The following COG7 variants were observed in gnomAD, a reference collection of about 807,000 sequenced individuals.
The protein encoded by COG7 is conserved oligomeric Golgi complex subunit 7.
COG7 carries 49 observed loss-of-function variants against 91.5 expected under a neutral mutation model. The ratio of observed to expected loss-of-function variants is 0.54; its 90% CI spans 0.43 to 0.68. The LOEUF (loss-of-function observed/expected upper bound fraction) is 0.68, where lower values mean the gene tolerates loss of function less well. Ranked by LOEUF, COG7 falls within the 30% of genes least tolerant of loss-of-function variation. COG7 has a pLI of 0.00. For synonymous variants in COG7, 365 were observed against 388.7 expected (o/e 0.94, Z 0.72); for missense variants, 895 against 961.3 (o/e 0.93, Z 0.91).
In COG7 at chr16:23,417,266, T is replaced by G; in HGVS notation, c.1138-145A>C. 15 of 821,652 alleles carry G rather than the reference T, an allele frequency of 1.8e-5. 1 individual carries two copies. In the South Asian group the frequency reaches 1.9e-4, roughly 11 times the overall value. The allele number at this position is 821,652 out of a possible 1,614,324, so 50.9% of individuals were successfully genotyped here. ...TAGTCCCAACGTTTGAATGCTTCTC[T>G]AGAGCCTGAATCAAGGGAGAACAGT... is the stretch of plus-strand genomic sequence containing the variant. On this transcript the variant is annotated intron_variant, in intron 8 of 16. Coordinates refer to ENST00000307149, the MANE Select transcript of COG7 (RefSeq NM_153603.4).
In COG7 at chr16:23,411,600, C is replaced by T. The variant is rs140592758; in HGVS notation, c.1410-1240G>A. On this transcript the variant is annotated intron_variant, in intron 10 of 16. Transcript: ENST00000307149. ...TGTCATCGTGGTTTGCTGCACCTATCAACCCATAGAACATTAAATTTCATC... is the reference window on the plus strand; with the variant it reads ...TGTCATCGTGGTTTGCTGCACCTATTAACCCATAGAACATTAAATTTCATC... 3.9e-5 allele frequency among the ~76,000 whole-genome samples: 6 copies of T among 152,280 alleles called. No homozygotes were observed. In the East Asian group the frequency reaches 1.2e-3, roughly 29 times the overall value.
At position 23,438,440 on chromosome 16, in the gene COG7, C is replaced by A. The variant is rs533035182; in HGVS notation, c.605-3722G>T. ...GGGCGTGGTAGTGCACACCTGTAGTCCCAGCTACTTGGGAGGCTGCCGTGG... is the reference window on the plus strand; with the variant it reads ...GGGCGTGGTAGTGCACACCTGTAGTACCAGCTACTTGGGAGGCTGCCGTGG... On this transcript the variant is annotated intron_variant, in intron 4 of 16. Transcript: ENST00000307149. Among the ~76,000 whole-genome samples, 9 of 152,230 alleles carry A rather than the reference C, an allele frequency of 5.9e-5. No homozygotes were observed. The South Asian group carries it at 1.7e-3, about 28-fold the overall frequency.
intron 1 of COG7, among the ~76,000 whole-genome samples, chr16:23,449,160 G>A (rs544692626): frequency 2.0e-5 from 3 of 151,438 alleles, no homozygotes; most frequent in East Asian, 4.0e-4. Flanking sequence ...TCAGGAGATC[G>A]AGACCATTCT....
intron 7 of COG7, among the ~76,000 whole-genome samples, chr16:23,419,450 TC>T (rs1485703090): frequency 1.4e-5 from 2 of 146,712 alleles, no homozygotes; most frequent in East Asian, 4.1e-4. Context: ...AAGGTCAGGT[TC>T]AAGAATTGCC....
intron 6 of COG7, among the ~76,000 whole-genome samples, chr16:23,428,690 T>C (rs2142084025): frequency 6.6e-6 from 1 of 151,348 alleles, no homozygotes; most frequent in East Asian, 1.9e-4. Flanking sequence ...GTTGTTTCTT[T>C]TCTTTTTTTT....
At chr16:23,441,851 C>T (rs1964106620) in intron 4 of COG7, 1 of 152,904 alleles carries the variant, frequency 6.5e-6, no homozygotes, top group Non-Finnish European at 1.5e-5. Context: ...CACTAGAAGA[C>T]AGAATTCACA....
chr16:23,422,038 G>C (rs1374749055), intron 7 of COG7, among the ~76,000 whole-genome samples: 2 of 152,070 alleles, frequency 1.3e-5, no homozygotes, highest in Non-Finnish European at 2.9e-5. Context: ...GGCCAGGTGT[G>C]GTAGCTCACA....
Position 23,424,927 on chromosome 16 carries a change from C to G in COG7, c.831G>C (p.Glu277Asp). 6.2e-7 allele frequency: 1 copy of G among 1,609,846 alleles called. No homozygotes were observed. The highest frequency in any genetic ancestry group is 8.5e-7 in the Non-Finnish European group (1 of 1,177,772). The change falls in exon 7 of 17, where the codon GAG (glutamate) becomes GAC (aspartate). Residue 277 changes from glutamate (E) to aspartate (D), a missense_variant. Glu to Asp is a conservative substitution (Grantham distance 45, BLOSUM62 2). Transcript: ENST00000307149. ...TCTGAATCAGCAGCACCATTACCAC[C>G]TCGTGGGGCTTCTGGAAAACCTGCA... ...WATQVFQKPH[E>D]VVMVLLIQTL...
At chr16:23,428,790 C>T (rs977486755) in intron 6 of COG7, among the ~76,000 whole-genome samples, 10 of 150,878 alleles carry the variant, frequency 6.6e-5, no homozygotes, top group African/African-American at 2.4e-4. Flanking sequence ...CTCCCAGGTT[C>T]AAGCGATTCT....
intron 5 of COG7, 150 bp from the exon 6 acceptor site, chr16:23,433,817 A>AT: frequency 1.4e-6 from 1 of 716,348 alleles, no homozygotes; most frequent in Non-Finnish European, 2.3e-6. Context: ...AAAGAAAGGC[A>AT]GGAAAAAAAA....
intron 5 of COG7, 89 bp downstream of exon 5, chr16:23,434,547 T>TA (rs1261937260): frequency 2.0e-6 from 2 of 1,003,528 alleles, no homozygotes; most frequent in Non-Finnish European, 3.2e-6. Flanking sequence ...CAAATGTTCT[T>TA]ACCTTCTGAA....
rs770426863 is a variant in COG7 at position 23,424,797 on chromosome 16, T to C, written c.961A>G (p.Thr321Ala). Residue 321 changes from threonine to alanine, a missense_variant, in exon 7 of 17, where the codon ACC (threonine) becomes GCC (alanine). Thr to Ala is a moderately conservative substitution (Grantham distance 58). Transcript: ENST00000307149. ...TCCAAGCCCTTGGCGAAGTGGGCGG[T>C]GGCGTCGTAGAACTCCAGCAGCCTG... ...LTRLLEFYDA[T>A]AHFAKGLEMA... The C allele has an allele frequency of 3.1e-6, 5 of 1,614,184 alleles. No individual in the cohort carries two copies. The East Asian group carries it at 1.1e-4, about 36-fold the overall frequency.
intron 4 of COG7, among the ~76,000 whole-genome samples, chr16:23,436,340 C>T (rs1264880908): frequency 2.0e-5 from 3 of 152,104 alleles, no homozygotes; most frequent in African/African-American, 4.8e-5. Flanking sequence ...ATAAAATGAA[C>T]TGGGCATGTA....
At chr16:23,432,576 C>T (rs1354141493) in intron 6 of COG7, among the ~76,000 whole-genome samples, 1 of 152,114 alleles carries the variant, frequency 6.6e-6, no homozygotes, top group Non-Finnish European at 1.5e-5. Flanking sequence ...GTCATTACTG[C>T]AAAGTAAGAC....
At chr16:23,405,746 A>T (rs1963450527) in intron 12 of COG7, among the ~76,000 whole-genome samples, 1 of 151,644 alleles carries the variant, frequency 6.6e-6, no homozygotes, top group South Asian at 2.1e-4. Context: ...TAAACTCCTG[A>T]CCTCAGGGGA....
At chr16:23,426,722 T>C (rs1019141323) in intron 6 of COG7, among the ~76,000 whole-genome samples, 4 of 150,730 alleles carry the variant, frequency 2.7e-5, no homozygotes, top group South Asian at 2.1e-4. Flanking sequence ...GTGATACCCA[T>C]TGGTAAGAGA....
At chr16:23,442,683 G>A (rs1432603192) in intron 3 of COG7, 38 bp from the exon 4 acceptor site, 10 of 1,539,924 alleles carry the variant, frequency 6.5e-6, no homozygotes, top group South Asian at 5.6e-5. Context: ...TATTTTAAAT[G>A]ATCCCTACTG....
intron 1 of COG7, among the ~76,000 whole-genome samples, chr16:23,450,400 C>T (rs149862881): frequency 5.9e-5 from 9 of 152,256 alleles, no homozygotes; most frequent in East Asian, 5.8e-4. Flanking sequence ...TAAAGCCATC[C>T]GTCATTGTAA....
In COG7 at chr16:23,393,411, C is replaced by T. The variant is rs1476697145; in HGVS notation, c.1888-64G>A. The stretch of plus-strand genomic sequence containing the variant: ...CATACGGGTTATTACTTTATGGGTA[C>T]ATTTGTGTGAAGGCAAACGGCAGAG... On this transcript the variant is annotated intron_variant, in intron 14 of 16. Coordinates refer to ENST00000307149, the MANE Select transcript of COG7 (RefSeq NM_153603.4). 12 of 1,309,988 alleles carry T rather than the reference C, an allele frequency of 9.2e-6. No homozygotes were observed. The East Asian group carries it at 2.3e-4, about 25-fold the overall frequency. The allele number at this position is 1,309,988 out of a possible 1,614,324, so 81.1% of individuals were successfully genotyped here.
Sources: allele counts gnomAD v4.1 joint callset (sites outside exome capture counted in the v4.1 genomes callset), GRCh38; gene constraint gnomAD v4.1.1; transcripts MANE v1.5; gene names NCBI Gene and HGNC (gene_info 2026-07-23, HGNC 2026-07-21).